Variants in CTNND2 observed in about 807,000 individuals in gnomAD.
CTNND2 encodes the protein catenin delta 2.
CTNND2 carries 22 observed loss-of-function variants against 144.4 expected under a neutral mutation model. The observed-to-expected ratio is 0.15, with a 90% CI of 0.11 to 0.22. CTNND2 has a LOEUF of 0.22. Ranked by LOEUF, CTNND2 falls within the 10% of genes least tolerant of loss-of-function variation. CTNND2 has a pLI of 1.00. For synonymous variants in CTNND2, 751 were observed against 695.6 expected, an observed-to-expected ratio of 1.08 and a Z score of -1.25; for missense variants, 1,353 against 1,618.8, an observed-to-expected ratio of 0.84 and a Z score of 2.82.
At chr5:11,122,149 A>G (rs1561338891) in intron 12 of CTNND2, among the ~76,000 whole-genome samples, 1 of 152,116 alleles carries the variant, frequency 6.6e-6, no homozygotes, top group African/African-American at 2.4e-5. Flanking sequence ...TACAGAATAA[A>G]TATCAGATGT....
At chr5:11,310,063 GT>G (rs201543414) in intron 9 of CTNND2, among the ~76,000 whole-genome samples, 21 of 151,688 alleles carry the variant, frequency 1.4e-4, no homozygotes, top group South Asian at 6.3e-4. Context: ...ATCTCAGGTA[GT>G]TTTTTTTTGT....
intron 2 of CTNND2, among the ~76,000 whole-genome samples, chr5:11,659,149 A>C (rs1783057490): frequency 6.6e-6 from 1 of 152,162 alleles, no homozygotes; most frequent in Non-Finnish European, 1.5e-5. Flanking sequence ...AAAATAAAAC[A>C]ATACAAATAA....
chr5:11,823,721 A>C (rs1793446439), intron 1 of CTNND2, among the ~76,000 whole-genome samples: 1 of 152,170 alleles, frequency 6.6e-6, no homozygotes, highest in Non-Finnish European at 1.5e-5. Context: ...TACCATGGTA[A>C]TATCATATTG....
intron 16 of CTNND2, among the ~76,000 whole-genome samples, chr5:11,054,840 G>A (rs1017930581): frequency 6.6e-6 from 1 of 152,020 alleles, no homozygotes; most frequent in Non-Finnish European, 1.5e-5. Context: ...ATAGTTCCAC[G>A]CTTGTGTTTA....
chr5:11,586,499 C>T (rs1046461515), intron 2 of CTNND2, among the ~76,000 whole-genome samples: 3 of 152,154 alleles, frequency 2.0e-5, no homozygotes, highest in Non-Finnish European at 2.9e-5. Context: ...AGAATTCACA[C>T]GTTAATAAGC....
intron 9 of CTNND2, among the ~76,000 whole-genome samples, chr5:11,333,760 G>T (rs1439249623): frequency 6.6e-6 from 1 of 152,270 alleles, no homozygotes; most frequent in East Asian, 1.9e-4. Context: ...TGCTTGAAAG[G>T]GTTTGCTCAC....
At chr5:11,065,834 G>A (rs1747510208) in intron 16 of CTNND2, among the ~76,000 whole-genome samples, 2 of 152,184 alleles carry the variant, frequency 1.3e-5, no homozygotes, top group South Asian at 2.1e-4. Flanking sequence ...GTCCTGCAGA[G>A]CTGTCCTTTG....
In CTNND2 at chr5:11,384,871, G is replaced by A; in HGVS notation, c.971C>T (p.Ala324Val). The A allele has an allele frequency of 1.9e-6, 3 of 1,612,202 alleles. No individual in the cohort carries two copies. In the East Asian group the frequency reaches 6.7e-5, roughly 36 times the overall value. The change falls in exon 7 of 22, where the codon GCC becomes GTC. Residue 324 changes from alanine (A) to valine (V), a missense_variant. Ala to Val is a moderately conservative substitution (Grantham distance 64, BLOSUM62 0). Transcript: ENST00000304623. The surrounding 1 kb of genome is among the most constrained non-coding windows in gnomAD (Gnocchi z 5.2). ...SSPINIVVSSAGLSPIRVTSP... is the reference protein window; with the variant it reads ...SSPINIVVSSVGLSPIRVTSP... ...GGTCACGCGGATCGGGGACAGGCCGGCCGAGGACACGACGATGTTGATGGG... is the reference window on the plus strand; with the variant it reads ...GGTCACGCGGATCGGGGACAGGCCGACCGAGGACACGACGATGTTGATGGG...
At chr5:11,404,726 T>C (rs1760947969) in intron 5 of CTNND2, among the ~76,000 whole-genome samples, 2 of 147,798 alleles carry the variant, frequency 1.4e-5, no homozygotes, top group South Asian at 4.5e-4. Flanking sequence ...CAAGCGATTC[T>C]CCTGCCTCAG....
intron 8 of CTNND2, among the ~76,000 whole-genome samples, chr5:11,357,811 C>T (rs1756047161): frequency 6.6e-6 from 1 of 152,010 alleles, no homozygotes; most frequent in Non-Finnish European, 1.5e-5. Context: ...TGAACATGTA[C>T]ATGTGTCATT....
chr5:11,450,547 C>T (rs1313865266), intron 3 of CTNND2, among the ~76,000 whole-genome samples: 1 of 152,128 alleles, frequency 6.6e-6, no homozygotes, highest in Non-Finnish European at 1.5e-5. Flanking sequence ...CTTTGCAGGT[C>T]CTCATCTAGC....
chr5:11,418,529 G>T (rs927829410), intron 3 of CTNND2, among the ~76,000 whole-genome samples: 4 of 152,218 alleles, frequency 2.6e-5, no homozygotes, highest in African/African-American at 9.6e-5. Context: ...TTGGTTGGAA[G>T]AATGGCAAAA....
intron 10 of CTNND2, among the ~76,000 whole-genome samples, chr5:11,207,383 T>TA (rs1390187407): frequency 1.0e-3 from 155 of 149,540 alleles, no homozygotes; most frequent in African/African-American, 3.7e-3. Context: ...CTTCAAGTAT[T>TA]TAAAAAAAAA....
chr5:11,009,322 T>C (rs1740815006), intron 18 of CTNND2, among the ~76,000 whole-genome samples: 1 of 152,192 alleles, frequency 6.6e-6, no homozygotes, highest in South Asian at 2.1e-4. Flanking sequence ...TGCTCTCCTC[T>C]CCTTGAGTCT....
chr5:11,072,928 G>A (rs1748499010), intron 16 of CTNND2, among the ~76,000 whole-genome samples: 1 of 152,156 alleles, frequency 6.6e-6, no homozygotes, highest in South Asian at 2.1e-4. Context: ...ACTGCCTTAT[G>A]CCCCCAAGGG....
chr5:11,504,298 G>A (rs982041665), intron 3 of CTNND2, among the ~76,000 whole-genome samples: 1 of 152,202 alleles, frequency 6.6e-6, no homozygotes, highest in African/African-American at 2.4e-5. Flanking sequence ...TGATGACGAC[G>A]ATGACTCAGC....
At chr5:11,424,010 G>C (rs766205058) in intron 3 of CTNND2, among the ~76,000 whole-genome samples, 2 of 152,100 alleles carry the variant, frequency 1.3e-5, no homozygotes, top group Admixed American at 6.5e-5. Flanking sequence ...TGGTGTTATA[G>C]ATCTTTACTT....
chr5:11,429,924 G>T (rs1763126012), intron 3 of CTNND2, among the ~76,000 whole-genome samples: 1 of 152,096 alleles, frequency 6.6e-6, no homozygotes, highest in Admixed American at 6.5e-5. Context: ...CTTTTTAGCT[G>T]TAATTGCTGG....
intron 10 of CTNND2, among the ~76,000 whole-genome samples, chr5:11,210,773 C>T (rs918120768): frequency 2.0e-5 from 3 of 152,198 alleles, no homozygotes; most frequent in African/African-American, 4.8e-5. Context: ...GCCCACAAAG[C>T]TTTCATTTTA....
Sources: allele counts gnomAD v4.1 joint callset (sites outside exome capture counted in the v4.1 genomes callset), GRCh38; gene constraint gnomAD v4.1.1; non-coding constraint Gnocchi (gnomAD v3.1); transcripts MANE v1.5; gene names NCBI Gene and HGNC (gene_info 2026-07-23, HGNC 2026-07-21).